NALCN: variants seen among roughly 807,000 people sequenced by gnomAD.
NALCN encodes sodium leak channel NALCN.
In NALCN, 111 loss-of-function variants were observed where a neutral mutation model predicts 225.3. The observed-to-expected ratio is 0.49, with a 90% CI of 0.42 to 0.58. The LOEUF is 0.58. Ranked by LOEUF, NALCN falls within the 20% of genes least tolerant of loss-of-function variation. The pLI is 0.00. For synonymous variants in NALCN, 764 were observed against 769.0 expected (o/e 0.99, Z 0.11); for missense variants, 1,378 against 2,202.4 (o/e 0.63, Z 7.49).
chr13:101,154,569 C>T (rs914759039), intron 15 of NALCN, among the ~76,000 whole-genome samples: 12 of 152,140 alleles, frequency 7.9e-5, no homozygotes, highest in South Asian at 4.1e-4. Flanking sequence ...TTTCTAATTA[C>T]GTGTGCTTTT....
At chr13:101,261,904 G>A (rs904321418) in intron 10 of NALCN, among the ~76,000 whole-genome samples, 1 of 152,112 alleles carries the variant, frequency 6.6e-6, no homozygotes, top group African/African-American at 2.4e-5. Context: ...GGTGATAGTG[G>A]GCATCCTTGT....
At chr13:101,221,578 T>C (rs2040942015) in intron 13 of NALCN, among the ~76,000 whole-genome samples, 1 of 152,112 alleles carries the variant, frequency 6.6e-6, no homozygotes, top group Non-Finnish European at 1.5e-5. Flanking sequence ...CAATTAGACC[T>C]CTCCCAACTA....
At chr13:101,354,194 T>G (rs1021192442) in intron 6 of NALCN, among the ~76,000 whole-genome samples, 2 of 152,076 alleles carry the variant, frequency 1.3e-5, no homozygotes, top group Non-Finnish European at 2.9e-5. Flanking sequence ...AATACAAAAA[T>G]TAGCCAGGTT....
At chr13:101,321,472 T>C (rs1253398075) in intron 7 of NALCN, among the ~76,000 whole-genome samples, 1 of 152,188 alleles carries the variant, frequency 6.6e-6, no homozygotes, top group East Asian at 1.9e-4. Flanking sequence ...GGAAAACAGA[T>C]ACATTCTTAG....
intron 6 of NALCN, among the ~76,000 whole-genome samples, chr13:101,366,920 T>C (rs1277187807): frequency 6.6e-6 from 1 of 151,830 alleles, no homozygotes; most frequent in African/African-American, 2.4e-5. Flanking sequence ...CAGCTCCTCA[T>C]TCCCTTGCAG....
At chr13:101,291,116 T>C (rs929160483) in intron 9 of NALCN, among the ~76,000 whole-genome samples, 1 of 152,234 alleles carries the variant, frequency 6.6e-6, no homozygotes, top group Non-Finnish European at 1.5e-5. Flanking sequence ...CTTATGGTTT[T>C]ATGGAAACAA....
At chr13:101,176,436 G>A in intron 14 of NALCN, 62 bp from the exon 15 acceptor site, 67 of 1,169,074 alleles carry the variant, frequency 5.7e-5, no homozygotes, top group Non-Finnish European at 7.2e-5. Flanking sequence ...AATATTATAT[G>A]TATAATATAG....
intron 13 of NALCN, among the ~76,000 whole-genome samples, chr13:101,193,102 CTTTT>C (rs5806199): frequency 1.4e-5 from 2 of 142,296 alleles, no homozygotes; most frequent in Non-Finnish European, 3.1e-5. Flanking sequence ...CTGATTCCTT[CTTTT>C]TTTTTTTTTT....
At chr13:101,100,997 T>C (rs2139598194) in intron 26 of NALCN, 109 bp from the exon 27 acceptor site, 1 of 876,084 alleles carries the variant, frequency 1.1e-6, no homozygotes, top group Non-Finnish European at 1.7e-6. Flanking sequence ...ATAAAAATCA[T>C]GGGTTTTTGA....
At chr13:101,268,976 C>T (rs1408551327) in intron 10 of NALCN, among the ~76,000 whole-genome samples, 1 of 152,058 alleles carries the variant, frequency 6.6e-6, no homozygotes, top group East Asian at 1.9e-4. Context: ...TGTACAAAAA[C>T]CTTTCAATTA....
chr13:101,128,730 AT>A (rs11290264), intron 17 of NALCN, among the ~76,000 whole-genome samples: 16,128 of 145,406 alleles, frequency 0.11, 1,120 homozygotes, highest in East Asian at 0.37. Flanking sequence ...GCTAAGTAAC[AT>A]TTTTTTTTTT....
intron 13 of NALCN, among the ~76,000 whole-genome samples, chr13:101,199,349 C>T (rs911027923): frequency 2.0e-5 from 3 of 151,146 alleles, no homozygotes; most frequent in African/African-American, 7.3e-5. Flanking sequence ...CACATGCACA[C>T]ATATGTTTAC....
At chr13:101,239,702 C>A (rs2041689000) in intron 11 of NALCN, among the ~76,000 whole-genome samples, 1 of 152,048 alleles carries the variant, frequency 6.6e-6, no homozygotes, top group African/African-American at 2.4e-5. Context: ...ACTAAGCATC[C>A]TCCCTCAATA....
intron 15 of NALCN, among the ~76,000 whole-genome samples, chr13:101,161,995 C>T (rs545666272): frequency 6.6e-6 from 1 of 152,318 alleles, no homozygotes; most frequent in African/African-American, 2.4e-5. Context: ...GGTCTTCCTG[C>T]ATTCTGGGTG....
intron 13 of NALCN, among the ~76,000 whole-genome samples, chr13:101,223,743 A>G (rs1482732928): frequency 1.3e-5 from 2 of 152,212 alleles, no homozygotes; most frequent in Non-Finnish European, 2.9e-5. Context: ...GTGCTCTCAC[A>G]TAAACCTTTA....
chr13:101,057,067 A>G (rs1043454390), intron 43 of NALCN: 8 of 152,224 alleles, frequency 5.3e-5, no homozygotes, highest in Admixed American at 4.6e-4. Context: ...TCAAAATGTA[A>G]GCTGTGCTGT....
chr13:101,227,229 C>A (rs2041178139), intron 13 of NALCN, among the ~76,000 whole-genome samples: 1 of 152,190 alleles, frequency 6.6e-6, no homozygotes, highest in Non-Finnish European at 1.5e-5. Flanking sequence ...CTTCTCCCAC[C>A]TCTGCAGGAA....
intron 15 of NALCN, among the ~76,000 whole-genome samples, chr13:101,158,861 C>A (rs1261684766): frequency 6.6e-6 from 1 of 152,204 alleles, no homozygotes; most frequent in Non-Finnish European, 1.5e-5. Flanking sequence ...TCTACCACAA[C>A]TTTCCTCCCA....
At chr13:101,316,260 C>T (rs2044551208) in intron 7 of NALCN, among the ~76,000 whole-genome samples, 1 of 152,138 alleles carries the variant, frequency 6.6e-6, no homozygotes, top group Non-Finnish European at 1.5e-5. Context: ...TGCTAATTAG[C>T]AAATAGATTA....
Sources: gnomAD v4.1 joint callset for allele counts (sites outside exome capture counted in the v4.1 genomes callset) on GRCh38, gnomAD v4.1.1 for gene constraint, MANE v1.5 for transcripts, NCBI Gene and HGNC (gene_info 2026-07-23, HGNC 2026-07-21) for gene names.